TANC2: variants seen among roughly 807,000 people sequenced by gnomAD.
The protein encoded by TANC2 is protein TANC2.
A neutral mutation model predicts 210.5 loss-of-function variants in TANC2; 26 were observed. The observed-to-expected ratio is 0.12, with a 90% CI of 0.09 to 0.17. TANC2 has a LOEUF of 0.17. TANC2 is among the 10% of genes least tolerant of loss of function. The pLI is 1.00. For synonymous variants in TANC2, 931 were observed against 967.1 expected (o/e 0.96, Z 0.69); for missense variants, 2,129 against 2,608.9 (o/e 0.82, Z 4.01).
chr17:62,983,269 C>CAAAATA (rs1381362292), intron 1 of TANC2, among the ~76,000 whole-genome samples: 1 of 151,810 alleles, frequency 6.6e-6, no homozygotes, highest in African/African-American at 2.4e-5. Flanking sequence ...GTATAGAGTA[C>CAAAATA]TACTGATATT....
chr17:63,346,757 T>G (rs1302779060), intron 12 of TANC2, among the ~76,000 whole-genome samples: 1 of 152,200 alleles, frequency 6.6e-6, no homozygotes, highest in Non-Finnish European at 1.5e-5. Context: ...CAAGCTGAAG[T>G]GCTGTGGCAT....
At chr17:62,976,409 T>G (rs1038024852) in intron 1 of TANC2, among the ~76,000 whole-genome samples, 1 of 151,732 alleles carries the variant, frequency 6.6e-6, no homozygotes, top group African/African-American at 2.4e-5. Context: ...TTTGAAACAT[T>G]GTATGTGACA....
exon 10 of TANC2, chr17:63,314,573 G>A: frequency 1.2e-6 from 2 of 1,613,874 alleles, no homozygotes; most frequent in South Asian, 1.1e-5. Context: ...CATTGGATTC[G>A]GCAAAACTGC....
chr17:63,186,515 G>C (rs994175663), intron 5 of TANC2, among the ~76,000 whole-genome samples: 63 of 151,850 alleles, frequency 4.1e-4, no homozygotes, highest in African/African-American at 1.2e-3. Context: ...AGCACACCCG[G>C]CTAATTTTTT....
chr17:63,139,348 C>A (rs184872838), intron 4 of TANC2, among the ~76,000 whole-genome samples: 1 of 152,104 alleles, frequency 6.6e-6, no homozygotes, highest in African/African-American at 2.4e-5. Context: ...AGAGTTTGGC[C>A]GGGTGCAGTG....
intron 14 of TANC2, among the ~76,000 whole-genome samples, chr17:63,358,976 T>TTGTGTG (rs34338483): frequency 0.19 from 27,451 of 147,764 alleles, 2,561 homozygotes; most frequent in South Asian, 0.26. Context: ...AGATTAATAT[T>TTGTGTG]TGTGTGTGTG....
intron 7 of TANC2, among the ~76,000 whole-genome samples, chr17:63,217,791 A>G (rs1457591642): frequency 6.6e-6 from 1 of 152,202 alleles, no homozygotes; most frequent in Non-Finnish European, 1.5e-5. Context: ...CAGACCAATT[A>G]TCTCTCATGA....
At chr17:63,289,723 C>A (rs1490743432) in intron 9 of TANC2, among the ~76,000 whole-genome samples, 2 of 152,146 alleles carry the variant, frequency 1.3e-5, no homozygotes, top group Non-Finnish European at 2.9e-5. Context: ...ACATTGTGTT[C>A]TTTGCCTTTT....
At chr17:63,009,764 A>G (rs1362487305) in intron 2 of TANC2, 138 bp downstream of exon 2, 6 of 696,486 alleles carry the variant, frequency 8.6e-6, no homozygotes, top group Non-Finnish European at 1.4e-5. Flanking sequence ...TTGGGCTTTC[A>G]TACGCTTTAT....
chr17:63,365,890 C>G (rs2047095676), intron 14 of TANC2, among the ~76,000 whole-genome samples: 1 of 151,996 alleles, frequency 6.6e-6, no homozygotes, highest in East Asian at 1.9e-4. Context: ...CTTTTTACCT[C>G]CTTTCTAACA....
chr17:63,188,186 C>T (rs1219793640), intron 5 of TANC2, among the ~76,000 whole-genome samples: 1 of 151,926 alleles, frequency 6.6e-6, no homozygotes, highest in Non-Finnish European at 1.5e-5. Context: ...GCCAGGGTGA[C>T]ATGCACCTGT....
exon 21 of TANC2, chr17:63,406,267 G>T (rs759951410): frequency 2.5e-6 from 4 of 1,613,632 alleles, no homozygotes; most frequent in Non-Finnish European, 1.7e-6. Flanking sequence ...TGGACTTTCT[G>T]CTTGCACAAG....
rs368177730 is a variant in TANC2, at chr17:63,242,687, C to T, written c.1033+4610C>T. On this transcript the variant is annotated intron_variant, in intron 8 of 27. Coordinates refer to ENST00000689528, the Ensembl canonical transcript of TANC2. ...AAGCATATGTTCTTAAAAATATATA[C>T]ATAATCATCACAGTTTTATTTGTAG... Among the ~76,000 whole-genome samples the T allele has an allele frequency of 6.6e-5, 10 of 152,172 alleles. No individual in the cohort carries two copies. The East Asian group carries it at 1.5e-3, about 23-fold the overall frequency.
At chr17:63,171,734 T>C (rs2040411667) in intron 5 of TANC2, among the ~76,000 whole-genome samples, 4 of 152,210 alleles carry the variant, frequency 2.6e-5, no homozygotes, top group Admixed American at 2.6e-4. Flanking sequence ...AGGCACATAA[T>C]ACATTTTTGT....
intron 4 of TANC2, among the ~76,000 whole-genome samples, chr17:63,123,542 A>T (rs1256588914): frequency 6.7e-6 from 1 of 148,898 alleles, no homozygotes. Context: ...CTGGGCGACA[A>T]GGTGAGATTC....
At chr17:63,276,882 G>A (rs763929647) in intron 9 of TANC2, among the ~76,000 whole-genome samples, 1 of 152,100 alleles carries the variant, frequency 6.6e-6, no homozygotes, top group African/African-American at 2.4e-5. Flanking sequence ...GTGGTAATAA[G>A]GAAACTATGT....
chr17:63,220,784 GTGTATATA>G (rs1174595007), intron 7 of TANC2, among the ~76,000 whole-genome samples: 2 of 145,396 alleles, frequency 1.4e-5, no homozygotes, highest in Non-Finnish European at 1.5e-5. Context: ...ATACATGTAT[GTGTATATA>G]TGTATATATA....
chr17:63,330,565 A>G (rs980861993), intron 11 of TANC2, among the ~76,000 whole-genome samples: 2 of 152,248 alleles, frequency 1.3e-5, no homozygotes, highest in African/African-American at 4.8e-5. Flanking sequence ...GATTTGCAGC[A>G]CCTGACTTAA....
chr17:63,341,258 C>CT (rs1285958060), intron 12 of TANC2, among the ~76,000 whole-genome samples: 1 of 152,236 alleles, frequency 6.6e-6, no homozygotes, highest in Non-Finnish European at 1.5e-5. Flanking sequence ...CTCCTCTACT[C>CT]TGATGACCTC....
Sources: allele counts gnomAD v4.1 joint callset (sites outside exome capture counted in the v4.1 genomes callset), GRCh38; gene constraint gnomAD v4.1.1; transcripts MANE v1.5; gene names NCBI Gene and HGNC (gene_info 2026-07-23, HGNC 2026-07-21).